The following CLTC variants were observed in gnomAD, a reference collection of about 807,000 sequenced individuals.
CLTC encodes the protein clathrin heavy chain, also known as clathrin heavy chain 1.
CLTC carries 16 observed loss-of-function variants against 195.8 expected under a neutral mutation model. The ratio of observed to expected loss-of-function variants is 0.08; its 90% CI spans 0.06 to 0.12. The LOEUF is 0.12. Among genes scored for constraint, CLTC ranks in the 10% least tolerant of loss-of-function variants. The pLI is 1.00. For synonymous variants in CLTC, 667 were observed against 689.4 expected, an observed-to-expected ratio of 0.97 and a Z score of 0.51; for missense variants, 796 against 2,027.0, an observed-to-expected ratio of 0.39 and a Z score of 11.66.
intron 2 of CLTC, 116 bp from the exon 3 acceptor site, chr17:59,647,282 G>A: frequency 1.3e-6 from 1 of 755,250 alleles, no homozygotes; most frequent in Non-Finnish European, 2.1e-6. Context: ...CTGTATCGAT[G>A]CAACTCGTCT....
At chr17:59,631,547 G>T (rs1021328595) in intron 1 of CLTC, among the ~76,000 whole-genome samples, 1 of 152,244 alleles carries the variant, frequency 6.6e-6, no homozygotes, top group South Asian at 2.1e-4. Context: ...GACCTATGGA[G>T]ATAATGGGAT....
intron 17 of CLTC, among the ~76,000 whole-genome samples, chr17:59,678,651 C>T (rs2033016455): frequency 6.6e-6 from 1 of 152,138 alleles, no homozygotes; most frequent in Admixed American, 6.5e-5. Context: ...CATTTTGTAC[C>T]TTCAGCAGCC....
intron 1 of CLTC, among the ~76,000 whole-genome samples, chr17:59,638,484 A>G (rs2031933421): frequency 8.2e-6 from 1 of 122,400 alleles, no homozygotes; most frequent in Non-Finnish European, 1.7e-5. Context: ...TGTGTTCTCT[A>G]GATCAGTGGT....
chr17:59,627,961 A>G (rs2143446225), intron 1 of CLTC, among the ~76,000 whole-genome samples: 1 of 152,362 alleles, frequency 6.6e-6, no homozygotes, highest in African/African-American at 2.4e-5. Context: ...TGTGCATGAA[A>G]GGGATAGGAA....
At chr17:59,645,211 T>C (rs2032158853) in intron 2 of CLTC, among the ~76,000 whole-genome samples, 2 of 147,026 alleles carry the variant, frequency 1.4e-5, no homozygotes, top group Non-Finnish European at 1.5e-5. Flanking sequence ...GATTCTGTGC[T>C]TTTTTTTTTA....
At chr17:59,660,687 CTG>C (rs2032587455) in intron 7 of CLTC, 99 bp downstream of exon 7, 1 of 1,189,462 alleles carries the variant, frequency 8.4e-7, no homozygotes, top group African/African-American at 1.5e-5. Flanking sequence ...TACAGATAAA[CTG>C]TTTTTAGATT....
chr17:59,664,937 A>G lies in CLTC; in HGVS notation c.1644+28A>G, dbSNP rs769307089. The G allele has an allele frequency of 2.5e-6, 4 of 1,610,786 alleles. No individual in the cohort carries two copies. In the Admixed American group the frequency reaches 6.7e-5, roughly 27 times the overall value. ...AATGTGATTAAAATATATTTTGTAG[A>G]AGCTGATTGAAATGGAGAGTGGGGG... On this transcript the variant is annotated intron_variant, in intron 10 of 31. Transcript: ENST00000269122.
chr17:59,623,223 T>G (rs940036606), intron 1 of CLTC, among the ~76,000 whole-genome samples: 1 of 152,196 alleles, frequency 6.6e-6, no homozygotes, highest in Non-Finnish European at 1.5e-5. Flanking sequence ...TGTTGTTGAG[T>G]CAAATGTTAG....
At chr17:59,623,032 T>C (rs772890847) in intron 1 of CLTC, among the ~76,000 whole-genome samples, 2 of 152,228 alleles carry the variant, frequency 1.3e-5, no homozygotes, top group African/African-American at 2.4e-5. Flanking sequence ...AATCCTAGGC[T>C]ACATATATAA....
chr17:59,624,503 C>G (rs966487613), intron 1 of CLTC, among the ~76,000 whole-genome samples: 4 of 129,370 alleles, frequency 3.1e-5, no homozygotes, highest in African/African-American at 1.2e-4. Flanking sequence ...ACTCTGTCCT[C>G]TGTCACCTAG....
At chr17:59,663,474 T>G (rs1317178171) in intron 8 of CLTC, among the ~76,000 whole-genome samples, 1 of 152,204 alleles carries the variant, frequency 6.6e-6, no homozygotes, top group Non-Finnish European at 1.5e-5. Context: ...TTGCTTTTTG[T>G]TTTTGAAAAA....
At chr17:59,623,129 T>C (rs2031435810) in intron 1 of CLTC, among the ~76,000 whole-genome samples, 1 of 152,216 alleles carries the variant, frequency 6.6e-6, no homozygotes, top group African/African-American at 2.4e-5. Context: ...CATTCCATTG[T>C]ATTCCTAGAT....
At chr17:59,668,961 T>G in intron 14 of CLTC, 21 bp downstream of exon 14, 1 of 1,592,554 alleles carries the variant, frequency 6.3e-7, no homozygotes, top group Non-Finnish European at 8.5e-7. Context: ...TTGAGTAATG[T>G]GTTTTCTGGT....
At chr17:59,668,714 A>C in intron 13 of CLTC, 63 bp from the exon 14 acceptor site, 1 of 1,401,230 alleles carries the variant, frequency 7.1e-7, no homozygotes, top group South Asian at 1.4e-5. Context: ...TAATTACATA[A>C]ATGTTTTTCA....
chr17:59,671,875 T>C (rs1236369740), intron 14 of CLTC, among the ~76,000 whole-genome samples: 2 of 152,138 alleles, frequency 1.3e-5, no homozygotes, highest in East Asian at 3.8e-4. Context: ...TCAGGTTGCC[T>C]TGTGTAAAAT....
At chr17:59,687,041 C>A in intron 30 of CLTC, 1 of 985,050 alleles carries the variant, frequency 1.0e-6, no homozygotes, top group Middle Eastern at 5.2e-4. Flanking sequence ...GATTCTTTAA[C>A]ATCTTTAAGT....
intron 15 of CLTC, 143 bp from the exon 16 acceptor site, chr17:59,674,558 A>G: frequency 1.5e-6 from 1 of 656,242 alleles, no homozygotes; most frequent in Non-Finnish European, 2.5e-6. Flanking sequence ...GCAAATTTAG[A>G]CCCTCAGTTT....
chr17:59,662,164 A>T (rs148419149), intron 8 of CLTC, among the ~76,000 whole-genome samples: 32 of 152,260 alleles, frequency 2.1e-4, no homozygotes, highest in African/African-American at 6.3e-4. Flanking sequence ...GCAATGAGAT[A>T]CTGTTTCCCA....
chr17:59,621,776 A>G (rs970768231), intron 1 of CLTC, among the ~76,000 whole-genome samples: 1 of 152,172 alleles, frequency 6.6e-6, no homozygotes, highest in African/African-American at 2.4e-5. Context: ...GATCAATCCA[A>G]GTTTAGTTGC....
Sources: gnomAD v4.1 joint callset for allele counts (sites outside exome capture counted in the v4.1 genomes callset) on GRCh38, gnomAD v4.1.1 for gene constraint, MANE v1.5 for transcripts, NCBI Gene and HGNC (gene_info 2026-07-23, HGNC 2026-07-21) for gene names.